The following NFATC2 variants were observed in gnomAD, a reference collection of about 807,000 sequenced individuals.
NFATC2 encodes the protein nuclear factor of activated T-cells, cytoplasmic 2.
Under a neutral mutation model 87.3 loss-of-function variants are expected in NFATC2, and 22 were observed. The observed-to-expected ratio is 0.25, with a 90% CI of 0.18 to 0.36. The LOEUF (loss-of-function observed/expected upper bound fraction) is 0.36, where lower values mean the gene tolerates loss of function less well. Among genes scored for constraint, NFATC2 ranks in the 10% least tolerant of loss-of-function variants. The pLI, the probability that NFATC2 is intolerant of heterozygous loss-of-function variation, is 1.00. For synonymous variants in NFATC2, 565 were observed against 542.2 expected, an observed-to-expected ratio of 1.04 and a Z score of -0.58; for missense variants, 1,149 against 1,259.1, an observed-to-expected ratio of 0.91 and a Z score of 1.32.
chr20:51,434,796 G>T (rs553940799), intron 8 of NFATC2, among the ~76,000 whole-genome samples: 6 of 152,136 alleles, frequency 3.9e-5, no homozygotes, highest in Admixed American at 2.0e-4. Context: ...ACATGGGGGG[G>T]TCACATAAAG....
intron 5 of NFATC2, among the ~76,000 whole-genome samples, chr20:51,459,944 T>G (rs941863174): frequency 2.6e-5 from 4 of 152,198 alleles, no homozygotes; most frequent in African/African-American, 9.7e-5. Context: ...TAGTGGTAGT[T>G]GCACAATATT....
chr20:51,428,593 A>T (rs908276496), intron 9 of NFATC2, among the ~76,000 whole-genome samples: 2 of 152,180 alleles, frequency 1.3e-5, no homozygotes, highest in African/African-American at 2.4e-5. Context: ...GAATGCCCAG[A>T]CGCGACGCTG....
chr20:51,472,894 T>G (rs1465657003), intron 5 of NFATC2, among the ~76,000 whole-genome samples: 1 of 152,164 alleles, frequency 6.6e-6, no homozygotes, highest in Non-Finnish European at 1.5e-5. Context: ...GTGCTGGGAT[T>G]ACAGGTGTGA....
chr20:51,454,463 C>T, intron 6 of NFATC2, 85 bp downstream of exon 6: 2 of 1,524,042 alleles, frequency 1.3e-6, no homozygotes, highest in South Asian at 1.2e-5. Context: ...GATCTACCCC[C>T]CAAAACCAAA....
intron 6 of NFATC2, among the ~76,000 whole-genome samples, chr20:51,443,601 C>A (rs188941431): frequency 6.6e-6 from 1 of 152,284 alleles, no homozygotes; most frequent in East Asian, 1.9e-4. Flanking sequence ...AGACAGCATT[C>A]CCAGTGCCAT....
chr20:51,396,858 C>T (rs1005759870), intron 10 of NFATC2, among the ~76,000 whole-genome samples: 9 of 152,158 alleles, frequency 5.9e-5, no homozygotes, highest in Non-Finnish European at 1.3e-4. Flanking sequence ...CAGGGGGAAG[C>T]GACTCTGAAG....
At chr20:51,495,920 G>A (rs1472713884) in intron 3 of NFATC2, among the ~76,000 whole-genome samples, 1 of 152,196 alleles carries the variant, frequency 6.6e-6, no homozygotes, top group African/African-American at 2.4e-5. Context: ...AAAGTAGGAA[G>A]GTAAGGCCAG....
chr20:51,398,560 A>G lies in NFATC2; in HGVS notation c.*44+83T>C, dbSNP rs945931306. On this transcript the variant is annotated intron_variant, in intron 10 of 10. Coordinates refer to ENST00000371564, the MANE Select transcript of NFATC2 (RefSeq NM_012340.5). ...GGCCTTCAGCCTGTCAAGTTTTCTT[A>G]TACTTTACTTAAAAAAAAAAAAATT... 4.7e-6 allele frequency: 4 copies of G among 855,376 alleles called. No homozygotes were observed. In the South Asian group the frequency reaches 7.0e-5, roughly 15 times the overall value. The allele number at this position is 855,376 out of a possible 1,614,324, so 53.0% of individuals were successfully genotyped here. A position where few individuals can be genotyped will look rare whatever the true frequency, so the allele number is the denominator to read the frequency against.
Position 51,523,450 on chromosome 20 carries a change from G to A in NFATC2, c.791C>T (p.Pro264Leu), listed in dbSNP as rs1337673442. Reference sequence around the variant, plus strand: ...GGAGCGCTGGGGTGAGGCTCCGGGCGGCAGGGCAACCAAGGCCTCGGCGCA... The same window carrying A: ...GGAGCGCTGGGGTGAGGCTCCGGGCAGCAGGGCAACCAAGGCCTCGGCGCA... ...HSCAEALVAL[P>L]PGASPQRSRS... The change falls in exon 2 of 11, where the codon CCG becomes CTG. Residue 264 changes from proline (P) to leucine (L), a missense_variant. Physicochemically the swap from Pro to Leu is moderately conservative, Grantham distance 98 (BLOSUM62 -3). Coordinates refer to ENST00000371564, the MANE Select transcript of NFATC2 (RefSeq NM_012340.5). This position sits in a 1 kb window ranked among gnomAD's most constrained non-coding sequence, Gnocchi z 6.9. 8 of 1,609,166 alleles carry A rather than the reference G, an allele frequency of 5.0e-6. No homozygotes were observed. The highest frequency in any genetic ancestry group is 3.4e-5 in the Admixed American group (2 of 59,460).
chr20:51,503,763 G>T (rs2076130380), intron 3 of NFATC2, among the ~76,000 whole-genome samples: 1 of 152,244 alleles, frequency 6.6e-6, no homozygotes, highest in African/African-American at 2.4e-5. Context: ...GGAGGCTGGG[G>T]CAGGGTAGAT....
At position 51,475,680 on chromosome 20, in the gene NFATC2, A is replaced by G. The variant is rs1339377133; in HGVS notation, c.1333-20T>C. On this transcript the variant is annotated intron_variant, in intron 3 of 10. Transcript: ENST00000371564. ...ATGGAGCTGGTGGGGGAGAAAACAA[A>G]ATCATTAAGGTGCGGGGTGTGGTGG... The G allele has an allele frequency of 6.2e-7, 1 of 1,613,246 alleles. No homozygotes were observed. Among genetic ancestry groups the G allele is most frequent in the Non-Finnish European group, 8.5e-7 (1 of 1,179,556 alleles).
intron 9 of NFATC2, among the ~76,000 whole-genome samples, chr20:51,420,172 A>G (rs6021193): frequency 0.13 from 19,332 of 152,212 alleles, 3,662 homozygotes; most frequent in African/African-American, 0.41. Flanking sequence ...TTGATGAAGG[A>G]AAGTTTCTCT....
intron 3 of NFATC2, among the ~76,000 whole-genome samples, chr20:51,487,990 G>A (rs1246997757): frequency 2.0e-5 from 3 of 152,090 alleles, no homozygotes; most frequent in African/African-American, 7.2e-5. Context: ...GGGGAGAGGC[G>A]GGACCCACTG....
chr20:51,547,840 C>T (rs1470218563), intron 1 of NFATC2, among the ~76,000 whole-genome samples: 4 of 152,144 alleles, frequency 2.6e-5, no homozygotes, highest in Admixed American at 2.6e-4. Flanking sequence ...CCCAAAGCCA[C>T]CCATTTCTCA....
chr20:51,425,568 G>C (rs1239071223), intron 9 of NFATC2, among the ~76,000 whole-genome samples: 1 of 152,220 alleles, frequency 6.6e-6, no homozygotes, highest in Non-Finnish European at 1.5e-5. Context: ...CTCACGGCAG[G>C]GCTCTGCGGT....
chr20:51,489,088 G>A (rs1369494716), intron 3 of NFATC2, among the ~76,000 whole-genome samples: 2 of 152,242 alleles, frequency 1.3e-5, no homozygotes, highest in Non-Finnish European at 2.9e-5. Flanking sequence ...TACTCAGGAG[G>A]CTGAGGCAGG....
intron 9 of NFATC2, among the ~76,000 whole-genome samples, chr20:51,421,857 G>A (rs1980975419): frequency 6.7e-6 from 1 of 149,066 alleles, no homozygotes; most frequent in African/African-American, 2.6e-5. Context: ...AAGTGCTGAA[G>A]CAGACCACAA....
intron 3 of NFATC2, among the ~76,000 whole-genome samples, chr20:51,486,659 A>G (rs541522814): frequency 7.1e-6 from 1 of 141,060 alleles, no homozygotes; most frequent in East Asian, 2.1e-4. Flanking sequence ...GGTATTTGGC[A>G]TACAGTAGAT....
At chr20:51,413,900 C>T (rs6096417) in intron 9 of NFATC2, among the ~76,000 whole-genome samples, 3 of 152,218 alleles carry the variant, frequency 2.0e-5, no homozygotes, top group African/African-American at 7.2e-5. Context: ...GCCTCTGCGG[C>T]TGCCATGAGG....
Sources: allele counts gnomAD v4.1 joint callset (sites outside exome capture counted in the v4.1 genomes callset), GRCh38; gene constraint gnomAD v4.1.1; non-coding constraint Gnocchi (gnomAD v3.1); transcripts MANE v1.5; gene names NCBI Gene and HGNC (gene_info 2026-07-23, HGNC 2026-07-21).